EPHB2: variants seen among roughly 807,000 people sequenced by gnomAD.
The protein encoded by EPHB2 is EPH receptor B2.
In EPHB2, 18 loss-of-function variants were observed where a neutral mutation model predicts 96.4. The observed-to-expected ratio is 0.19, with a 90% CI of 0.13 to 0.28. The LOEUF (loss-of-function observed/expected upper bound fraction) is 0.28, where lower values mean the gene tolerates loss of function less well. EPHB2 is among the 10% of genes least tolerant of loss of function. EPHB2 has a pLI of 1.00. For synonymous variants in EPHB2, 506 were observed against 534.1 expected, an observed-to-expected ratio of 0.95 and a Z score of 0.72; for missense variants, 989 against 1,355.4, an observed-to-expected ratio of 0.73 and a Z score of 4.25.
intron 3 of EPHB2, among the ~76,000 whole-genome samples, chr1:22,843,503 C>G (rs917413476): frequency 6.6e-6 from 1 of 152,148 alleles, no homozygotes; most frequent in Non-Finnish European, 1.5e-5. Flanking sequence ...TCCCACCCTC[C>G]ACCCTCAAGT....
At chr1:22,827,372 G>A (rs987066079) in intron 3 of EPHB2, among the ~76,000 whole-genome samples, 1 of 152,254 alleles carries the variant, frequency 6.6e-6, no homozygotes, top group African/African-American at 2.4e-5. Flanking sequence ...CTCACAGCAG[G>A]GGCCCGCAGG....
intron 1 of EPHB2, among the ~76,000 whole-genome samples, chr1:22,731,272 C>T (rs1023565480): frequency 1.1e-4 from 16 of 152,248 alleles, no homozygotes; most frequent in Non-Finnish European, 1.3e-4. Flanking sequence ...GAGCCTGGCC[C>T]GGGCCCAAAT....
chr1:22,864,817 T>A, intron 4 of EPHB2, 60 bp from the exon 5 acceptor site: 1 of 1,138,986 alleles, frequency 8.8e-7, no homozygotes, highest in South Asian at 1.5e-5. Flanking sequence ...CACAGAGTGG[T>A]CACATGGGGA....
chr1:22,862,956 C>G, intron 3 of EPHB2, 81 bp from the exon 4 acceptor site: 1 of 1,584,260 alleles, frequency 6.3e-7, no homozygotes, highest in East Asian at 2.2e-5. Flanking sequence ...GCTGTGTGGC[C>G]CCTCCGTGAG....
intron 1 of EPHB2, among the ~76,000 whole-genome samples, chr1:22,743,290 C>T (rs1452506075): frequency 9.9e-5 from 15 of 152,204 alleles, no homozygotes; most frequent in Middle Eastern, 3.4e-3. Context: ...TTGGTGATGC[C>T]GCCCGTACAC....
intron 4 of EPHB2, among the ~76,000 whole-genome samples, chr1:22,864,202 T>C (rs529962371): frequency 1.4e-4 from 22 of 152,164 alleles, no homozygotes; most frequent in Non-Finnish European, 1.5e-4. Flanking sequence ...TCCGCCATCA[T>C]GCCCGGCTAA....
At chr1:22,867,486 G>A (rs1403965121) in intron 5 of EPHB2, among the ~76,000 whole-genome samples, 1 of 152,142 alleles carries the variant, frequency 6.6e-6, no homozygotes, top group African/African-American at 2.4e-5. Flanking sequence ...GTGACTGACT[G>A]CCTATAGTTC....
intron 3 of EPHB2, among the ~76,000 whole-genome samples, chr1:22,840,128 C>CCT (rs1016033108): frequency 6.6e-6 from 1 of 152,118 alleles, no homozygotes; most frequent in African/African-American, 2.4e-5. Context: ...TGTCATGCAG[C>CCT]CTCTCTCTAA....
rs558392298 is a variant in EPHB2 at position 22,733,750 on chromosome 1, G to A, written c.61+22707G>A. On this transcript the variant is annotated intron_variant, in intron 1 of 15. Transcript: ENST00000374630. The surrounding 1 kb of genome is among the most constrained non-coding windows in gnomAD (Gnocchi z 4.6). ...AGTCCAAAGCCCATGCTCATGACAC[G>A]CTACTACATCAGGCTGGTATGATTT... Among the ~76,000 whole-genome samples, 16 of 152,332 alleles carry A rather than the reference G, an allele frequency of 1.1e-4. No homozygotes were observed. Among genetic ancestry groups the A allele is most frequent in the Admixed American group, 5.9e-4 (9 of 15,284 alleles).
At chr1:22,857,919 C>G (rs1465842774) in intron 3 of EPHB2, among the ~76,000 whole-genome samples, 1 of 152,148 alleles carries the variant, frequency 6.6e-6, no homozygotes, top group Non-Finnish European at 1.5e-5. Context: ...TTTCCAGGTA[C>G]TTTCAGTGCA....
chr1:22,785,802 G>A lies in EPHB2; in HGVS notation c.811+726G>A, dbSNP rs369116512. On this transcript the variant is annotated intron_variant, in intron 3 of 15. Transcript: ENST00000374630. ...CAATTTTACTGTGAGCCAGGCCCACGACTCCCCCTTGTACTATGTGCTGAG... is the reference window on the plus strand; with the variant it reads ...CAATTTTACTGTGAGCCAGGCCCACAACTCCCCCTTGTACTATGTGCTGAG... Among the ~76,000 whole-genome samples the A allele has an allele frequency of 1.6e-4, 24 of 152,204 alleles. 2 individuals are homozygous for A. In the East Asian group the frequency reaches 3.3e-3, roughly 21 times the overall value.
intron 6 of EPHB2, among the ~76,000 whole-genome samples, chr1:22,889,746 A>AC (rs1639334428): frequency 6.6e-6 from 1 of 152,208 alleles, no homozygotes; most frequent in South Asian, 2.1e-4. Context: ...GGTATTTCAG[A>AC]CAGGGGCAAC....
At chr1:22,732,803 C>T (rs943350760) in intron 1 of EPHB2, among the ~76,000 whole-genome samples, 2 of 152,176 alleles carry the variant, frequency 1.3e-5, no homozygotes, top group Non-Finnish European at 2.9e-5. Flanking sequence ...GGGGTGTCAC[C>T]ATGACCCATC....
chr1:22,838,910 G>A (rs887394612), intron 3 of EPHB2, among the ~76,000 whole-genome samples: 15 of 151,832 alleles, frequency 9.9e-5, no homozygotes, highest in African/African-American at 2.9e-4. Flanking sequence ...CAGCCTGGGC[G>A]ACAGAGTGAG....
At chr1:22,745,185 A>G (rs1643955024) in intron 1 of EPHB2, among the ~76,000 whole-genome samples, 1 of 152,268 alleles carries the variant, frequency 6.6e-6, no homozygotes, top group Admixed American at 6.5e-5. Flanking sequence ...GAAACAACCC[A>G]AATGTCCATC....
At chr1:22,764,552 C>T (rs1443354088) in intron 1 of EPHB2, among the ~76,000 whole-genome samples, 1 of 152,118 alleles carries the variant, frequency 6.6e-6, no homozygotes, top group East Asian at 1.9e-4. Context: ...TCGAAACCAG[C>T]CTGGCCAACA....
intron 5 of EPHB2, among the ~76,000 whole-genome samples, chr1:22,877,227 C>T (rs1638868387): frequency 6.6e-6 from 1 of 152,368 alleles, no homozygotes; most frequent in African/African-American, 2.4e-5. Flanking sequence ...CCACTGCTTG[C>T]TGTGTGGCCT....
chr1:22,748,889 A>T (rs1397984219), intron 1 of EPHB2, among the ~76,000 whole-genome samples: 2 of 150,106 alleles, frequency 1.3e-5, no homozygotes, highest in Non-Finnish European at 3.0e-5. Flanking sequence ...AACCAGAATT[A>T]CTTTTGCACC....
intron 1 of EPHB2, among the ~76,000 whole-genome samples, chr1:22,725,538 T>C (rs1643563520): frequency 6.6e-6 from 1 of 151,826 alleles, no homozygotes; most frequent in African/African-American, 2.4e-5. Flanking sequence ...ACTGTGACAT[T>C]TCCTCATTTT....
Sources: gnomAD v4.1 joint callset for allele counts (sites outside exome capture counted in the v4.1 genomes callset) on GRCh38, gnomAD v4.1.1 for gene constraint, Gnocchi (gnomAD v3.1) non-coding constraint, MANE v1.5 for transcripts, NCBI Gene and HGNC (gene_info 2026-07-23, HGNC 2026-07-21) for gene names.